Variants in SOX5 observed in about 807,000 individuals in gnomAD.
The protein encoded by SOX5 is SRY-box transcription factor 5.
Under a neutral mutation model 92.0 loss-of-function variants are expected in SOX5, and 9 were observed. That is an observed-to-expected ratio of 0.10 (90% CI 0.06 to 0.17). SOX5 has a LOEUF of 0.17. Among genes scored for constraint, SOX5 ranks in the 10% least tolerant of loss-of-function variants. SOX5 has a pLI of 1.00. For synonymous variants in SOX5, 344 were observed against 336.3 expected (o/e 1.02, Z -0.25); for missense variants, 642 against 944.5 (o/e 0.68, Z 4.20).
intron 14 of SOX5, among the ~76,000 whole-genome samples, chr12:23,535,603 T>C (rs1021683719): frequency 1.3e-5 from 2 of 152,236 alleles, no homozygotes; most frequent in African/African-American, 4.8e-5. Context: ...CCAAGAACTG[T>C]TGGGCATTGT....
intron 11 of SOX5, among the ~76,000 whole-genome samples, chr12:23,552,637 C>T (rs1451856018): frequency 6.6e-6 from 1 of 151,846 alleles, no homozygotes; most frequent in Non-Finnish European, 1.5e-5. Context: ...GGAGATAGAA[C>T]ACTGATCAAA....
chr12:24,246,082 A>T (rs1037850724), intron 3 of SOX5, among the ~76,000 whole-genome samples: 1 of 152,204 alleles, frequency 6.6e-6, no homozygotes, highest in African/African-American at 2.4e-5. Flanking sequence ...TTGGCCATAA[A>T]ATCTAGACCT....
intron 6 of SOX5, among the ~76,000 whole-genome samples, chr12:23,667,499 G>C (rs1281573115): frequency 6.6e-6 from 1 of 152,098 alleles, no homozygotes; most frequent in African/African-American, 2.4e-5. Flanking sequence ...CACTTGTAAA[G>C]AGTGACATCG....
chr12:23,844,812 C>A (rs922140928), intron 3 of SOX5, among the ~76,000 whole-genome samples: 1 of 152,210 alleles, frequency 6.6e-6, no homozygotes, highest in South Asian at 2.1e-4. Context: ...TATTAGGAAA[C>A]AATCCACCAT....
chr12:23,771,235 A>T (rs2094927461), intron 3 of SOX5, among the ~76,000 whole-genome samples: 1 of 151,702 alleles, frequency 6.6e-6, no homozygotes, highest in Non-Finnish European at 1.5e-5. Context: ...ACTCCACATT[A>T]AATTACTAAG....
intron 9 of SOX5, among the ~76,000 whole-genome samples, chr12:23,582,481 C>T (rs984422885): frequency 2.6e-5 from 4 of 152,144 alleles, no homozygotes; most frequent in African/African-American, 9.7e-5. Context: ...CTCGCGTAGC[C>T]ATCCCAACTC....
intron 4 of SOX5, among the ~76,000 whole-genome samples, chr12:24,115,321 G>A (rs1317964927): frequency 6.6e-6 from 1 of 152,144 alleles, no homozygotes; most frequent in Non-Finnish European, 1.5e-5. Context: ...AAGCTGAAAT[G>A]GTTATCAACT....
At chr12:24,399,321 T>C (rs775802932) in intron 1 of SOX5, among the ~76,000 whole-genome samples, 2 of 152,232 alleles carry the variant, frequency 1.3e-5, no homozygotes, top group African/African-American at 2.4e-5. Flanking sequence ...AACAACTGAT[T>C]TCTTCTCTGG....
At chr12:24,057,384 A>G (rs999748102) in intron 4 of SOX5, among the ~76,000 whole-genome samples, 1 of 152,234 alleles carries the variant, frequency 6.6e-6, no homozygotes, top group Non-Finnish European at 1.5e-5. Context: ...TATTTTTCCT[A>G]TGAAGAAACT....
chr12:23,656,802 T>C (rs1033612366), intron 7 of SOX5, among the ~76,000 whole-genome samples: 1 of 151,922 alleles, frequency 6.6e-6, no homozygotes, highest in Non-Finnish European at 1.5e-5. Flanking sequence ...TATTTACATG[T>C]ATACCTAGCT....
chr12:24,515,377 TA>T (rs761470225), intron 1 of SOX5, among the ~76,000 whole-genome samples: 21 of 152,204 alleles, frequency 1.4e-4, no homozygotes, highest in Non-Finnish European at 2.1e-4. Context: ...ACAGTGACAC[TA>T]ATTATATTTA....
chr12:24,149,446 TG>T (rs1308823492), intron 4 of SOX5, among the ~76,000 whole-genome samples: 1 of 152,128 alleles, frequency 6.6e-6, no homozygotes. Flanking sequence ...AATAAGCATA[TG>T]AAAATATTCT....
chr12:24,277,132 G>C (rs1944527290), intron 3 of SOX5: 1 of 151,782 alleles, frequency 6.6e-6, no homozygotes, highest in Non-Finnish European at 1.5e-5. Context: ...TTAAAAATAA[G>C]AGAAAGCATA....
chr12:24,342,895 A>G (rs1475878979), intron 2 of SOX5, among the ~76,000 whole-genome samples: 1 of 152,256 alleles, frequency 6.6e-6, no homozygotes, highest in Non-Finnish European at 1.5e-5. Context: ...CTAATTTTCT[A>G]GCCCTATCAC....
chr12:24,521,981 G>GAA (rs945026196), intron 1 of SOX5, among the ~76,000 whole-genome samples: 8 of 148,492 alleles, frequency 5.4e-5, no homozygotes, highest in African/African-American at 1.5e-4. Flanking sequence ...CCATAAAATA[G>GAA]AAAAAAAAAT....
chr12:23,919,051 C>A (rs973457950), intron 1 of SOX5, among the ~76,000 whole-genome samples: 2 of 151,874 alleles, frequency 1.3e-5, no homozygotes, highest in African/African-American at 4.8e-5. Context: ...AATCCAGAGA[C>A]TGAAAGGTAA....
chr12:24,164,533 T>A (rs1043725957), intron 4 of SOX5, among the ~76,000 whole-genome samples: 3 of 152,046 alleles, frequency 2.0e-5, no homozygotes, highest in Non-Finnish European at 4.4e-5. Context: ...AATTGTAAAT[T>A]AGATTCACCT....
intron 1 of SOX5, among the ~76,000 whole-genome samples, chr12:24,524,670 G>A (rs754014481): frequency 6.6e-6 from 1 of 152,110 alleles, no homozygotes; most frequent in Non-Finnish European, 1.5e-5. Context: ...CAAAGGACAA[G>A]TATTGGTGAG....
intron 2 of SOX5, among the ~76,000 whole-genome samples, chr12:23,873,607 A>G (rs2096897597): frequency 6.6e-6 from 1 of 152,182 alleles, no homozygotes; most frequent in South Asian, 2.1e-4. Flanking sequence ...ATTCTCACCA[A>G]CCGCTCAATT....
Sources: gnomAD v4.1 joint callset for allele counts (sites outside exome capture counted in the v4.1 genomes callset) on GRCh38, gnomAD v4.1.1 for gene constraint, MANE v1.5 for transcripts, NCBI Gene and HGNC (gene_info 2026-07-23, HGNC 2026-07-21) for gene names.